The following TAS2R1 variants were observed in gnomAD, a reference collection of about 807,000 sequenced individuals.
The protein encoded by TAS2R1 is taste receptor type 2 member 1.
For synonymous variants in TAS2R1, 141 were observed against 134.2 expected, an observed-to-expected ratio of 1.05 and a Z score of -0.35; for missense variants, 370 against 353.4, an observed-to-expected ratio of 1.05 and a Z score of -0.38.
intron 1 of TAS2R1, among the ~76,000 whole-genome samples, chr5:9,697,519 A>G (rs1218819093): frequency 1.3e-5 from 2 of 152,232 alleles, no homozygotes; most frequent in Non-Finnish European, 2.9e-5. Flanking sequence ...TCACTTGGAA[A>G]TACAGATGTT....
chr5:9,746,869 C>T, the TAS2R1 span, among the ~76,000 whole-genome samples: 1 of 152,130 alleles, frequency 6.6e-6, no homozygotes, highest in Non-Finnish European at 1.5e-5. Context: ...ACCACCATGG[C>T]ACATGTATAC....
At chr5:9,864,670 T>C in the TAS2R1 span, among the ~76,000 whole-genome samples, 2 of 149,290 alleles carry the variant, frequency 1.3e-5, no homozygotes, top group Non-Finnish European at 3.0e-5. Context: ...CCTATCACCA[T>C]AGGCTACTTC....
At chr5:9,760,342 T>C in the TAS2R1 span, among the ~76,000 whole-genome samples, 84 of 152,304 alleles carry the variant, frequency 5.5e-4, no homozygotes, top group South Asian at 3.5e-3. Context: ...CCCAACTTAA[T>C]ATGAGGCCAG....
chr5:9,633,953 C>T (rs1357406565), upstream of TAS2R1, among the ~76,000 whole-genome samples: 1 of 151,884 alleles, frequency 6.6e-6, no homozygotes, highest in African/African-American at 2.4e-5. Context: ...TTAATTAGGT[C>T]CCATCTATTT....
At chr5:9,849,019 T>C in the TAS2R1 span, among the ~76,000 whole-genome samples, 1 of 152,240 alleles carries the variant, frequency 6.6e-6, no homozygotes, top group African/African-American at 2.4e-5. Flanking sequence ...CCAATCAATG[T>C]TGGTCTTGGA....
At chr5:9,887,482 TC>T in the TAS2R1 span, among the ~76,000 whole-genome samples, 1 of 152,174 alleles carries the variant, frequency 6.6e-6, no homozygotes, top group Non-Finnish European at 1.5e-5. Context: ...TCCCCTGCTA[TC>T]TTCACACCTT....
At chr5:9,654,703 G>T (rs1427591410) in intron 2 of TAS2R1, among the ~76,000 whole-genome samples, 2 of 152,194 alleles carry the variant, frequency 1.3e-5, no homozygotes, top group African/African-American at 4.8e-5. Context: ...GAAAGATAAA[G>T]TTAGGTTCCC....
At chr5:9,818,333 A>G in the TAS2R1 span, among the ~76,000 whole-genome samples, 3 of 152,222 alleles carry the variant, frequency 2.0e-5, no homozygotes, top group Non-Finnish European at 4.4e-5. Flanking sequence ...GGGCGACATT[A>G]TCTCTCTAGA....
chr5:9,757,402 C>T, the TAS2R1 span, among the ~76,000 whole-genome samples: 2 of 152,190 alleles, frequency 1.3e-5, no homozygotes, highest in East Asian at 3.9e-4. Flanking sequence ...TGAATATTTC[C>T]TATTTCACAG....
chr5:9,876,033 A>T, the TAS2R1 span, among the ~76,000 whole-genome samples: 1 of 152,106 alleles, frequency 6.6e-6, no homozygotes, highest in East Asian at 1.9e-4. Flanking sequence ...TAGAGACTGG[A>T]AACTTAGGCC....
the TAS2R1 span, among the ~76,000 whole-genome samples, chr5:9,857,413 C>T: frequency 6.6e-6 from 1 of 151,886 alleles, no homozygotes; most frequent in Admixed American, 6.6e-5. Context: ...GCAATGTAAC[C>T]CAAAAATGTG....
chr5:9,829,721 CA>C, the TAS2R1 span, among the ~76,000 whole-genome samples: 1 of 152,124 alleles, frequency 6.6e-6, no homozygotes, highest in South Asian at 2.1e-4. Context: ...ACTGTCCCTT[CA>C]GCTCCAGAAT....
intron 2 of TAS2R1, among the ~76,000 whole-genome samples, chr5:9,652,479 G>T (rs960483914): frequency 6.6e-6 from 1 of 152,124 alleles, no homozygotes; most frequent in East Asian, 1.9e-4. Flanking sequence ...CACTGGCTGA[G>T]TAGAGAGGAT....
the TAS2R1 span, among the ~76,000 whole-genome samples, chr5:9,754,360 C>T: frequency 1.3e-4 from 20 of 152,244 alleles, no homozygotes; most frequent in Middle Eastern, 3.4e-3. Flanking sequence ...GACAGGGATG[C>T]CCTCTCTCAC....
the TAS2R1 span, among the ~76,000 whole-genome samples, chr5:9,859,412 G>C: frequency 2.6e-5 from 4 of 152,222 alleles, no homozygotes; most frequent in Non-Finnish European, 4.4e-5. Context: ...ACCACACTTT[G>C]TTTTTCATAG....
chr5:9,734,620 T>C, the TAS2R1 span, among the ~76,000 whole-genome samples: 2 of 152,202 alleles, frequency 1.3e-5, no homozygotes, highest in Non-Finnish European at 2.9e-5. Context: ...TTGCCTACTA[T>C]GTATTTACTA....
the TAS2R1 span, among the ~76,000 whole-genome samples, chr5:9,772,185 G>A: frequency 6.6e-6 from 1 of 151,908 alleles, no homozygotes; most frequent in Non-Finnish European, 1.5e-5. Context: ...ATATCCCATA[G>A]GTTTTGGTAC....
chr5:9,688,923 G>T (rs1741181213), intron 1 of TAS2R1, among the ~76,000 whole-genome samples: 1 of 152,090 alleles, frequency 6.6e-6, no homozygotes, highest in South Asian at 2.1e-4. Context: ...GGCTGCTTTG[G>T]TATTGGCCAG....
At chr5:9,815,004 G>A in the TAS2R1 span, among the ~76,000 whole-genome samples, 318 of 152,276 alleles carry the variant, frequency 2.1e-3, 1 homozygote, top group Middle Eastern at 3.4e-3. Flanking sequence ...ATGGCGTGTC[G>A]GAGAAAGCGA....
Sources: allele counts gnomAD v4.1 joint callset (sites outside exome capture counted in the v4.1 genomes callset), GRCh38; gene constraint gnomAD v4.1.1; transcripts MANE v1.5; gene names NCBI Gene and HGNC (gene_info 2026-07-23, HGNC 2026-07-21).